Variants in CDH1 observed in about 807,000 individuals in gnomAD.
The protein encoded by CDH1 is cadherin-1.
In CDH1, 35 loss-of-function variants were observed where a neutral mutation model predicts 84.5. The observed-to-expected ratio is 0.41, with a 90% confidence interval of 0.32 to 0.55. The LOEUF is 0.55. CDH1 is among the 20% of genes least tolerant of loss of function. CDH1 has a pLI of 0.19. For missense variants in CDH1, 994 were observed against 1,126.6 expected (o/e 0.88, Z 1.68); for synonymous variants, 417 against 439.0 (o/e 0.95, Z 0.63).
chr16:68,811,960 C>T (rs1294676097), intron 7 of CDH1, 101 bp downstream of exon 7: 11 of 1,464,974 alleles, frequency 7.5e-6, no homozygotes, highest in Non-Finnish European at 1.0e-5. Context: ...TCAGTTAATA[C>T]AGTGATGGTC....
intron 2 of CDH1, among the ~76,000 whole-genome samples, chr16:68,794,180 A>T (rs1597879628): frequency 6.6e-6 from 1 of 151,536 alleles, no homozygotes; most frequent in East Asian, 1.9e-4. Flanking sequence ...CTACAGGCAC[A>T]CACCACTGCT....
chr16:68,771,750 C>A (rs867363817), intron 2 of CDH1, among the ~76,000 whole-genome samples: 3 of 140,648 alleles, frequency 2.1e-5, no homozygotes, highest in Admixed American at 7.1e-5. Context: ...GACTCCCTCT[C>A]AAAAAAAAAA....
At chr16:68,738,964 T>TTTTTTTTTTTTTTA (rs555202424) in intron 2 of CDH1, among the ~76,000 whole-genome samples, 1,159 of 65,382 alleles carry the variant, frequency 0.018, 458 homozygotes, top group Middle Eastern at 0.096. Flanking sequence ...TTTTTTTTTT[T>TTTTTTTTTTTTTTA]AAAGACAGGG....
At chr16:68,773,670 G>T (rs1367148484) in intron 2 of CDH1, among the ~76,000 whole-genome samples, 3 of 152,200 alleles carry the variant, frequency 2.0e-5, no homozygotes, top group African/African-American at 7.2e-5. Context: ...GATTATTGAA[G>T]AACTGACTGT....
At chr16:68,829,838 T>A (rs2152142543) in intron 15 of CDH1, 41 bp downstream of exon 15, 1 of 1,596,346 alleles carries the variant, frequency 6.3e-7, no homozygotes, top group South Asian at 1.1e-5. Flanking sequence ...GGCTCATCTC[T>A]AAGCTCAGGA....
intron 3 of CDH1, among the ~76,000 whole-genome samples, chr16:68,803,945 C>T (rs552271190): frequency 1.3e-5 from 2 of 152,154 alleles, no homozygotes; most frequent in Non-Finnish European, 2.9e-5. Flanking sequence ...CCATCCTCAG[C>T]ACATGACCTC....
In CDH1 at chr16:68,822,063, G is replaced by A. The variant is rs35187787; in HGVS notation, c.1774G>A (p.Ala592Thr). 4.9e-3 allele frequency: 7,980 copies of A among 1,614,062 alleles called. 28 individuals carry two copies. The highest frequency in any genetic ancestry group is 6.8e-3 in the Middle Eastern group (41 of 6,062). ...LLILSDVNDN[A>T]PIPEPRTIFF... The stretch of plus-strand genomic sequence containing the variant: ...GATCCTGTCTGATGTGAATGACAAC[G>A]CCCCCATACCAGAACCTCGAACTAT... Residue 592 changes from alanine (A) to threonine (T), a missense_variant, in exon 12 of 16, where the codon GCC (alanine) becomes ACC (threonine). Physicochemically the swap from Ala to Thr is moderately conservative, Grantham distance 58 (BLOSUM62 0). This residue lies in a region of CDH1 where 769 missense variants were observed against 881.8 expected (regional missense o/e 0.87). Coordinates refer to ENST00000261769, the MANE Select transcript of CDH1 (RefSeq NM_004360.5).
chr16:68,813,857 G>C (rs1338802110), intron 9 of CDH1, among the ~76,000 whole-genome samples: 2 of 149,272 alleles, frequency 1.3e-5, no homozygotes, highest in East Asian at 2.0e-4. Flanking sequence ...GCTTGAACCT[G>C]GGAGGTGGAG....
intron 13 of CDH1, among the ~76,000 whole-genome samples, chr16:68,825,134 T>C (rs1401774759): frequency 6.6e-6 from 1 of 151,912 alleles, no homozygotes; most frequent in East Asian, 1.9e-4. Flanking sequence ...TTAAAAGAAA[T>C]GTTTAAAGAT....
intron 2 of CDH1, among the ~76,000 whole-genome samples, chr16:68,779,540 T>C (rs539711004): frequency 6.6e-6 from 1 of 152,184 alleles, no homozygotes; most frequent in Non-Finnish European, 1.5e-5. Flanking sequence ...CAATTCTGCA[T>C]GGTGCTTCTG....
intron 2 of CDH1, among the ~76,000 whole-genome samples, chr16:68,771,482 G>C (rs371067261): frequency 6.6e-6 from 1 of 152,064 alleles, no homozygotes; most frequent in African/African-American, 2.4e-5. Context: ...AGCCGGGCGC[G>C]GTGGCTCACG....
chr16:68,776,537 A>G (rs932157841), intron 2 of CDH1, among the ~76,000 whole-genome samples: 1 of 152,056 alleles, frequency 6.6e-6, no homozygotes, highest in African/African-American at 2.4e-5. Flanking sequence ...TTTTTTTTAA[A>G]TAGTATGTTT....
chr16:68,787,141 G>T (rs995477151), intron 2 of CDH1, among the ~76,000 whole-genome samples: 7 of 152,186 alleles, frequency 4.6e-5, no homozygotes, highest in African/African-American at 1.7e-4. Context: ...TATCTGGGTT[G>T]TGTTTTTTAT....
intron 13 of CDH1, among the ~76,000 whole-genome samples, 198 bp from the exon 14 acceptor site, chr16:68,827,976 T>C (rs778153791): frequency 1.3e-5 from 2 of 152,200 alleles, no homozygotes; most frequent in Admixed American, 6.5e-5. Flanking sequence ...CATATCACTG[T>C]CTACTATGTT....
intron 2 of CDH1, among the ~76,000 whole-genome samples, chr16:68,767,804 TAAG>T (rs1426909703): frequency 1.3e-5 from 2 of 152,096 alleles, no homozygotes; most frequent in African/African-American, 4.8e-5. Flanking sequence ...GAATAAAAGA[TAAG>T]AGGAGAGCCG....
At chr16:68,744,043 A>G (rs1033310713) in intron 2 of CDH1, among the ~76,000 whole-genome samples, 1 of 152,254 alleles carries the variant, frequency 6.6e-6, no homozygotes, top group African/African-American at 2.4e-5. Context: ...AAGTAGAGAG[A>G]ATATTTTCAA....
At chr16:68,783,468 T>C (rs895023798) in intron 2 of CDH1, among the ~76,000 whole-genome samples, 3 of 151,076 alleles carry the variant, frequency 2.0e-5, no homozygotes, top group African/African-American at 7.3e-5. Context: ...CACAAGCCAA[T>C]TTAAATGGTA....
At chr16:68,776,081 C>G (rs1453705174) in intron 2 of CDH1, among the ~76,000 whole-genome samples, 1 of 152,202 alleles carries the variant, frequency 6.6e-6, no homozygotes, top group Non-Finnish European at 1.5e-5. Flanking sequence ...CCCCCAGGTT[C>G]AGGCTACTCT....
Position 68,829,752 on chromosome 16 carries a change from T to A in CDH1, c.2394T>A (p.Leu798=), listed in dbSNP as rs756760721. 1 of 1,614,022 alleles carries A rather than the reference T, an allele frequency of 6.2e-7. No homozygotes were observed. Among genetic ancestry groups the A allele is most frequent in the Non-Finnish European group, 8.5e-7 (1 of 1,179,990 alleles). The change falls in exon 15 of 16, where the codon CTT becomes CTA. Residue 798 remains leucine, a synonymous_variant. Transcript: ENST00000261769. ...APTLMSVPRY[L]PRPANPDEIG... is the part of the protein sequence containing the mutation. ...CCCTCATGAGTGTCCCCCGGTATCT[T>A]CCCCGCCCTGCCAATCCCGATGAAA...
Sources: allele counts gnomAD v4.1 joint callset (sites outside exome capture counted in the v4.1 genomes callset), GRCh38; gene constraint gnomAD v4.1.1; regional missense constraint gnomAD v4.1.1; transcripts MANE v1.5; gene names NCBI Gene and HGNC (gene_info 2026-07-23, HGNC 2026-07-21).